Variants in ADAM17 observed in about 807,000 individuals in gnomAD.
ADAM17 encodes ADAM metallopeptidase domain 17, also known as disintegrin and metalloproteinase domain-containing protein 17.
A neutral mutation model predicts 96.7 loss-of-function variants in ADAM17; 39 were observed. The observed-to-expected ratio is 0.40, with a 90% confidence interval of 0.31 to 0.53. The LOEUF (loss-of-function observed/expected upper bound fraction) is 0.53, where lower values mean the gene tolerates loss of function less well. Among genes scored for constraint, ADAM17 ranks in the 20% least tolerant of loss-of-function variants. The pLI is 0.44. For missense variants in ADAM17, 777 were observed against 1,013.2 expected, an observed-to-expected ratio of 0.77 and a Z score of 3.17; for synonymous variants, 344 against 359.2, an observed-to-expected ratio of 0.96 and a Z score of 0.48.
At chr2:9,517,810 C>T in intron 10 of ADAM17, 91 bp downstream of exon 10, 1 of 820,510 alleles carries the variant, frequency 1.2e-6, no homozygotes, top group Admixed American at 3.5e-5. Flanking sequence ...GTATATATTA[C>T]ATTTTTTAAA....
chr2:9,540,158 T>C (rs540574482), intron 2 of ADAM17, among the ~76,000 whole-genome samples: 4 of 152,316 alleles, frequency 2.6e-5, no homozygotes, highest in African/African-American at 7.2e-5. Flanking sequence ...CCACTTCAAA[T>C]CCAAAGAAAC....
At chr2:9,511,763 G>A (rs1382879875) in intron 10 of ADAM17, among the ~76,000 whole-genome samples, 2 of 152,106 alleles carry the variant, frequency 1.3e-5, no homozygotes. Flanking sequence ...TTGAGGTCAG[G>A]AGTTCCAGAC....
intron 2 of ADAM17, among the ~76,000 whole-genome samples, chr2:9,537,748 C>T (rs770929972): frequency 2.0e-5 from 3 of 151,578 alleles, no homozygotes; most frequent in Non-Finnish European, 4.4e-5. Flanking sequence ...AGTACTCGTG[C>T]TTTTTTTCCT....
intron 13 of ADAM17, among the ~76,000 whole-genome samples, chr2:9,499,495 G>A (rs1257475352): frequency 2.6e-5 from 4 of 151,826 alleles, no homozygotes; most frequent in Admixed American, 2.6e-4. Flanking sequence ...TCCGCCTCCC[G>A]GGTTCACGCC....
In ADAM17 at chr2:9,491,149, A is replaced by G. The variant is rs1662109345; in HGVS notation, c.2085T>C (p.Asp695=). 6.2e-7 allele frequency: 1 copy of G among 1,612,646 alleles called. No individual in the cohort carries two copies. The highest frequency in any genetic ancestry group is 1.1e-5 in the South Asian group (1 of 90,974). ...ATTCATACTGTTTATCCAATTTCTTATCCTAGAAAGAAACAGCAAGAAGGT... is the reference window on the plus strand; with the variant it reads ...ATTCATACTGTTTATCCAATTTCTTGTCCTAGAAAGAAACAGCAAGAAGGT... ...IPFSILVHCV[D]KKLDKQYESL... The change falls in exon 18 of 19, where the codon GAT becomes GAC. Residue 695 remains aspartate, a splice_region_variant and synonymous_variant. Transcript: ENST00000310823.
chr2:9,505,570 G>A, intron 11 of ADAM17: 1 of 583,300 alleles, frequency 1.7e-6, no homozygotes, highest in Non-Finnish European at 3.0e-6. Flanking sequence ...CTAAATGGCT[G>A]ATGTGAACTT....
At chr2:9,508,362 A>G (rs1054717594) in intron 11 of ADAM17, among the ~76,000 whole-genome samples, 1 of 152,116 alleles carries the variant, frequency 6.6e-6, no homozygotes, top group Non-Finnish European at 1.5e-5. Flanking sequence ...GCTCCTCTAC[A>G]TCCGCGCTAC....
chr2:9,512,257 T>C (rs191192566), intron 10 of ADAM17: 10 of 96,054 alleles, frequency 1.0e-4, no homozygotes, highest in African/African-American at 5.0e-4. Context: ...CTAATGACTC[T>C]TAAAAAAAAA....
At chr2:9,509,922 G>A in intron 11 of ADAM17, 57 bp downstream of exon 11, 1 of 1,590,280 alleles carries the variant, frequency 6.3e-7, no homozygotes, top group Admixed American at 1.7e-5. Context: ...CTCTCATTAT[G>A]ATCATTATAC....
rs1446508885 is a variant in ADAM17 at position 9,490,551 on chromosome 2, A to G, written c.2134-33T>C. ...GACATGGGTTCAATTGATTGATAGG[A>G]ATAAAAGATGAATCGGAGGTCCTCA... On this transcript the variant is annotated intron_variant, in intron 18 of 18. Transcript: ENST00000310823. 3 of 1,579,246 alleles carry G rather than the reference A, an allele frequency of 1.9e-6. No homozygotes were observed. The African/African-American group carries it at 4.1e-5, about 21-fold the overall frequency.
intron 4 of ADAM17, among the ~76,000 whole-genome samples, chr2:9,531,458 T>C (rs1664735702): frequency 6.6e-6 from 1 of 152,044 alleles, no homozygotes; most frequent in South Asian, 2.1e-4. Flanking sequence ...TCCCAGCACC[T>C]TGGGAGGCCG....
intron 11 of ADAM17, among the ~76,000 whole-genome samples, chr2:9,507,473 G>C (rs1303607534): frequency 6.6e-6 from 1 of 152,140 alleles, no homozygotes; most frequent in African/African-American, 2.4e-5. Context: ...CTGCACTCCA[G>C]CCTGGGCGAC....
intron 14 of ADAM17, among the ~76,000 whole-genome samples, chr2:9,495,542 A>C (rs1404775630): frequency 2.6e-5 from 4 of 152,066 alleles, no homozygotes; most frequent in Non-Finnish European, 5.9e-5. Flanking sequence ...GCAAGACCCC[A>C]TCTCTACTAA....
At position 9,505,385 on chromosome 2, in the gene ADAM17, T is replaced by C; in HGVS notation, c.1345-20A>G. The C allele has an allele frequency of 6.3e-7, 1 of 1,593,162 alleles. No individual in the cohort carries two copies. The highest frequency in any genetic ancestry group is 8.6e-7 in the Non-Finnish European group (1 of 1,161,088). ...AAACATCTTGAGAGAAAAAAGGCAA[T>C]AAGGACCCAAAATAATATCATAAAA... is the stretch of plus-strand genomic sequence containing the variant. On this transcript the variant is annotated intron_variant, in intron 11 of 18. Coordinates refer to ENST00000310823, the MANE Select transcript of ADAM17 (RefSeq NM_003183.6).
At chr2:9,535,702 T>C (rs1471177703) in intron 4 of ADAM17, 132 bp downstream of exon 4, 1 of 509,176 alleles carries the variant, frequency 2.0e-6, no homozygotes, top group African/African-American at 2.0e-5. Context: ...AAAAGTCTAC[T>C]TTCCTAGTAA....
At position 9,517,698 on chromosome 2, in the gene ADAM17, A is replaced by G. The variant is rs35848871; in HGVS notation, c.1191+203T>C. On this transcript the variant is annotated intron_variant, in intron 10 of 18. Transcript: ENST00000310823. ...AAAGCAGTGGTCCTCACATGTTTCA[A>G]AAGAAGGCTGACAGGCCATTTTTAT... Among the ~76,000 whole-genome samples, 34,905 of 152,166 alleles carry G rather than the reference A, an allele frequency of 0.23. 4,770 individuals carry two copies. The highest frequency in any genetic ancestry group is 0.33 in the Middle Eastern group (96 of 294).
chr2:9,511,322 C>T (rs1420714228), intron 10 of ADAM17, among the ~76,000 whole-genome samples: 6 of 152,150 alleles, frequency 3.9e-5, no homozygotes, highest in Admixed American at 6.5e-5. Context: ...TGGTGGCGCA[C>T]GCCTGTAATC....
chr2:9,543,116 A>G, intron 2 of ADAM17, 37 bp downstream of exon 2: 1 of 1,527,064 alleles, frequency 6.5e-7, no homozygotes, highest in South Asian at 1.3e-5. Context: ...CCAAGCCCCC[A>G]GTGCCCCAAC....
At chr2:9,554,241 A>C (rs1157719671) in intron 1 of ADAM17, among the ~76,000 whole-genome samples, 1 of 152,190 alleles carries the variant, frequency 6.6e-6, no homozygotes, top group Non-Finnish European at 1.5e-5. Flanking sequence ...ATATAATTTT[A>C]ATATCTCAAA....
Sources: allele counts gnomAD v4.1 joint callset (sites outside exome capture counted in the v4.1 genomes callset), GRCh38; gene constraint gnomAD v4.1.1; transcripts MANE v1.5; gene names NCBI Gene and HGNC (gene_info 2026-07-23, HGNC 2026-07-21).